The following MDGA2 variants were observed in gnomAD, a reference collection of about 807,000 sequenced individuals.
The protein encoded by MDGA2 is MAM domain-containing glycosylphosphatidylinositol anchor protein 2.
Under a neutral mutation model 117.8 loss-of-function variants are expected in MDGA2, and 40 were observed. That is an observed-to-expected ratio of 0.34 (90% CI 0.26 to 0.44). The LOEUF (loss-of-function observed/expected upper bound fraction) is 0.44. Among genes scored for constraint, MDGA2 ranks in the 20% least tolerant of loss-of-function variants. MDGA2 has a pLI of 1.00. For missense variants in MDGA2, 1,123 were observed against 1,250.6 expected (o/e 0.90, Z 1.54); for synonymous variants, 452 against 439.0 (o/e 1.03, Z -0.37).
At chr14:46,925,568 G>T (rs925653452) in intron 9 of MDGA2, among the ~76,000 whole-genome samples, 2 of 148,344 alleles carry the variant, frequency 1.3e-5, no homozygotes, top group African/African-American at 2.5e-5. Flanking sequence ...GGAGGCAGAG[G>T]TTGTAGTGAG....
chr14:47,289,941 T>G (rs1435986940), intron 2 of MDGA2, among the ~76,000 whole-genome samples: 1 of 152,140 alleles, frequency 6.6e-6, no homozygotes, highest in Non-Finnish European at 1.5e-5. Context: ...ATTTTGACCA[T>G]CAGAAAATGT....
chr14:47,484,723 C>T (rs181656422), intron 1 of MDGA2, among the ~76,000 whole-genome samples: 15 of 152,078 alleles, frequency 9.9e-5, no homozygotes, highest in African/African-American at 3.6e-4. Flanking sequence ...ATCGTAGGGG[C>T]AGGTCTTTCC....
chr14:47,537,190 C>G (rs999013648), intron 1 of MDGA2, among the ~76,000 whole-genome samples: 2 of 150,812 alleles, frequency 1.3e-5, no homozygotes, highest in Non-Finnish European at 3.0e-5. Flanking sequence ...TCATTCTCAG[C>G]AAACTATCGC....
chr14:47,463,848 T>C lies in MDGA2; in HGVS notation c.281-162298A>G, dbSNP rs191167290. 6.9e-4 allele frequency among the ~76,000 whole-genome samples: 105 copies of C among 152,236 alleles called. No homozygotes were observed. In the East Asian group the frequency reaches 0.018, roughly 26 times the overall value. On this transcript the variant is annotated intron_variant, in intron 1 of 16. Transcript: ENST00000399232. ...TGCTTTCCTATAATAATGTAGAGGC[T>C]CAAAGGTTCTTCTGATTACTCCTTA...
intron 8 of MDGA2, among the ~76,000 whole-genome samples, chr14:46,995,485 T>C (rs1319108072): frequency 6.6e-6 from 1 of 152,190 alleles, no homozygotes; most frequent in Non-Finnish European, 1.5e-5. Flanking sequence ...AGTTAATGAA[T>C]TACAATTTCT....
At chr14:47,172,469 G>C (rs955384070) in intron 3 of MDGA2, among the ~76,000 whole-genome samples, 5 of 152,104 alleles carry the variant, frequency 3.3e-5, no homozygotes, top group Admixed American at 2.0e-4. Flanking sequence ...GGAACGATCA[G>C]AGAGCAGCAT....
chr14:46,901,172 G>A (rs1426520027), intron 10 of MDGA2, among the ~76,000 whole-genome samples: 5 of 134,146 alleles, frequency 3.7e-5, no homozygotes, highest in South Asian at 2.8e-4. Flanking sequence ...ATCACACACC[G>A]GGGACTGTTG....
At chr14:47,640,922 A>G (rs561867467) in intron 1 of MDGA2, among the ~76,000 whole-genome samples, 59 of 152,240 alleles carry the variant, frequency 3.9e-4, no homozygotes, top group African/African-American at 1.3e-3. Context: ...CTAGTACTAT[A>G]GAGCTTACTA....
At chr14:47,510,893 T>C (rs577653754) in intron 1 of MDGA2, among the ~76,000 whole-genome samples, 1 of 152,348 alleles carries the variant, frequency 6.6e-6, no homozygotes, top group South Asian at 2.1e-4. Context: ...TTTGCTCCCA[T>C]AGTGTGGATC....
chr14:47,249,985 T>C (rs181184484), intron 2 of MDGA2, among the ~76,000 whole-genome samples: 149 of 152,300 alleles, frequency 9.8e-4, no homozygotes, highest in Non-Finnish European at 2.2e-4. Flanking sequence ...CAGACTATTA[T>C]GATTGTATCC....
At chr14:47,113,247 C>T (rs1881143356) in intron 5 of MDGA2, among the ~76,000 whole-genome samples, 1 of 151,962 alleles carries the variant, frequency 6.6e-6, no homozygotes, top group Admixed American at 6.6e-5. Context: ...CACATGCACC[C>T]TCCCAAGTTG....
chr14:47,242,003 C>T (rs1330369826), intron 2 of MDGA2, among the ~76,000 whole-genome samples: 1 of 151,746 alleles, frequency 6.6e-6, no homozygotes, highest in African/African-American at 2.4e-5. Flanking sequence ...TGAGATGGTG[C>T]ATAGAAAATG....
intron 9 of MDGA2, among the ~76,000 whole-genome samples, chr14:46,951,897 T>C (rs2138613860): frequency 6.6e-6 from 1 of 152,044 alleles, no homozygotes; most frequent in East Asian, 1.9e-4. Flanking sequence ...TATGCAGAAA[T>C]AATAACCAAC....
chr14:46,959,292 TGTGTGTGTGTGG>T (rs1412859233), intron 8 of MDGA2, among the ~76,000 whole-genome samples: 5 of 140,276 alleles, frequency 3.6e-5, no homozygotes, highest in Admixed American at 7.7e-5. Context: ...TGTGTGTGTG[TGTGTGTGTGTGG>T]ATACATACAT....
At position 47,655,827 on chromosome 14, in the gene MDGA2, T is replaced by C. The variant is rs146382093; in HGVS notation, c.280+18690A>G. On this transcript the variant is annotated intron_variant, in intron 1 of 16. Transcript: ENST00000399232. ...TGGCTTGGACTGTGGCTTAGGGCAG[T>C]TAAAGACCTTGGAGGAGGTATAGGT... Among the ~76,000 whole-genome samples, 108 of 152,212 alleles carry C rather than the reference T, an allele frequency of 7.1e-4. 1 individual carries two copies. Among genetic ancestry groups the C allele is most frequent in the African/African-American group, 2.4e-3 (101 of 41,548 alleles).
intron 7 of MDGA2, among the ~76,000 whole-genome samples, chr14:47,035,524 T>C (rs1305361051): frequency 6.6e-6 from 1 of 152,182 alleles, no homozygotes; most frequent in Non-Finnish European, 1.5e-5. Context: ...ATTAGCAAAA[T>C]AAATAAGGCA....
intron 2 of MDGA2, among the ~76,000 whole-genome samples, chr14:47,297,626 CCTTA>C (rs1381637585): frequency 5.9e-5 from 9 of 152,012 alleles, no homozygotes; most frequent in Admixed American, 1.3e-4. Flanking sequence ...ACTGGCAAAC[CCTTA>C]CTTTCTTTCT....
At position 47,474,083 on chromosome 14, in the gene MDGA2, G is replaced by A. The variant is rs888161024; in HGVS notation, c.281-172533C>T. On this transcript the variant is annotated intron_variant, in intron 1 of 16. Transcript: ENST00000399232. ...ACACGATCCTATATCTAGAAAACCC[G>A]ACTGTCTCAGCCTAAAAGCTTCTTA... Among the ~76,000 whole-genome samples, 6 of 152,040 alleles carry A rather than the reference G, an allele frequency of 3.9e-5. No homozygotes were observed. In the East Asian group the frequency reaches 5.8e-4, roughly 15 times the overall value.
At chr14:47,233,170 A>T (rs1886747433) in intron 2 of MDGA2, among the ~76,000 whole-genome samples, 1 of 152,130 alleles carries the variant, frequency 6.6e-6, no homozygotes, top group Non-Finnish European at 1.5e-5. Flanking sequence ...TCATCTATCC[A>T]TGTAAAGATA....
Sources: allele counts gnomAD v4.1 joint callset (sites outside exome capture counted in the v4.1 genomes callset), GRCh38; gene constraint gnomAD v4.1.1; transcripts MANE v1.5; gene names NCBI Gene and HGNC (gene_info 2026-07-23, HGNC 2026-07-21).